Variants in NCOR2 observed in about 807,000 individuals in gnomAD.
NCOR2 encodes CTG repeat protein 26.
NCOR2 carries 81 observed loss-of-function variants against 262.9 expected under a neutral mutation model. The observed-to-expected ratio is 0.31, with a 90% CI of 0.26 to 0.37. NCOR2 has a LOEUF of 0.37. Among genes scored for constraint, NCOR2 ranks in the 10% least tolerant of loss-of-function variants. The probability of loss-of-function intolerance (pLI) is 1.00; values close to 1 mark genes in which losing one functional copy is unlikely to be tolerated. For missense variants in NCOR2, 3,385 were observed against 3,621.4 expected (o/e 0.93, Z 1.68); for synonymous variants, 1,659 against 1,559.3 (o/e 1.06, Z -1.51).
intron 34 of NCOR2, among the ~76,000 whole-genome samples, chr12:124,341,300 T>C (rs544719789): frequency 6.6e-6 from 1 of 151,916 alleles, no homozygotes; most frequent in South Asian, 2.1e-4. Flanking sequence ...AGTGCAATGG[T>C]AAAATCTCCA....
chr12:124,371,017 C>T (rs577912387), intron 20 of NCOR2, among the ~76,000 whole-genome samples: 157 of 152,276 alleles, frequency 1.0e-3, no homozygotes, highest in African/African-American at 3.1e-3. Context: ...GCATCTCCAT[C>T]ACCAGCCCCA....
At chr12:124,430,708 C>T (rs958151040) in exon 9 of NCOR2, 4 of 1,614,196 alleles carry the variant, frequency 2.5e-6, no homozygotes, top group South Asian at 1.1e-5. Flanking sequence ...GGCCCGCCGC[C>T]GGGGGTTGTT....
intron 27 of NCOR2, among the ~76,000 whole-genome samples, chr12:124,351,511 T>C (rs1302822020): frequency 2.0e-5 from 3 of 151,614 alleles, no homozygotes; most frequent in African/African-American, 4.9e-5. Flanking sequence ...CCCTAGAGAG[T>C]TGGAGGCACA....
Position 124,548,278 on chromosome 12 carries a change from G to A in NCOR2, c.-164-12667C>T, listed in dbSNP as rs980972860. ...GAAGGCCCAGAGGCAGATGCGGTCG[G>A]TGAGGGCTGAGGAGCTCCCGGGTGG... On this transcript the variant is annotated intron_variant, in intron 1 of 32. Coordinates refer to the NCOR2 transcript ENST00000458234. The surrounding 1 kb of genome is among the most constrained non-coding windows in gnomAD (Gnocchi z 5.1). Among the ~76,000 whole-genome samples, 1 of 152,232 alleles carries A rather than the reference G, an allele frequency of 6.6e-6. No individual in the cohort carries two copies. Among genetic ancestry groups the A allele is most frequent in the African/African-American group, 2.4e-5 (1 of 41,468 alleles).
At chr12:124,557,605 C>T (rs930061329) in intron 1 of NCOR2, among the ~76,000 whole-genome samples, 2 of 152,132 alleles carry the variant, frequency 1.3e-5, no homozygotes, top group South Asian at 2.1e-4. Context: ...CCAGGAGGGA[C>T]GTGAATGGGT....
intron 1 of NCOR2, among the ~76,000 whole-genome samples, chr12:124,529,329 C>T (rs552616204): frequency 6.6e-6 from 1 of 151,222 alleles, no homozygotes; most frequent in Admixed American, 6.6e-5. Context: ...CAAAAACTAG[C>T]CAGATGTGGT....
intron 1 of NCOR2, chr12:124,514,944 C>T (rs973493926): frequency 9.2e-5 from 14 of 152,390 alleles, no homozygotes; most frequent in African/African-American, 2.7e-4. Flanking sequence ...CCTATCCCAC[C>T]CCCATCTCTC....
chr12:124,332,502 G>A lies in NCOR2; in HGVS notation c.6756-35C>T, dbSNP rs533897016. The A allele has an allele frequency of 1.9e-6, 3 of 1,613,270 alleles. No individual in the cohort carries two copies. The East Asian group carries it at 6.7e-5, about 36-fold the overall frequency. On this transcript the variant is annotated intron_variant, in intron 42 of 46. Coordinates refer to ENST00000405201, the Ensembl canonical transcript of NCOR2. ...TCAAACACCTCACATCAGCTCACTT[G>A]GTGCCGAGCTTGCATGCCTTTGATG...
At chr12:124,521,500 A>G (rs1038375030) in intron 1 of NCOR2, among the ~76,000 whole-genome samples, 2 of 152,226 alleles carry the variant, frequency 1.3e-5, no homozygotes, top group African/African-American at 4.8e-5. Flanking sequence ...GCGGAGTGAA[A>G]GAAGCCAAAA....
intron 1 of NCOR2, among the ~76,000 whole-genome samples, chr12:124,532,850 C>A (rs1419909660): frequency 6.6e-6 from 1 of 151,904 alleles, no homozygotes; most frequent in Non-Finnish European, 1.5e-5. Flanking sequence ...TTGTGGGGGA[C>A]CGCCACCGTC....
intron 1 of NCOR2, among the ~76,000 whole-genome samples, chr12:124,544,088 C>T (rs1166076560): frequency 1.3e-5 from 2 of 152,322 alleles, no homozygotes; most frequent in East Asian, 1.9e-4. Context: ...CTGCCCGGCA[C>T]CCCCTGCCCG....
chr12:124,344,371 G>A (rs942533018), intron 32 of NCOR2, among the ~76,000 whole-genome samples: 2 of 152,238 alleles, frequency 1.3e-5, no homozygotes, highest in East Asian at 1.9e-4. Flanking sequence ...AGAGGGAGGG[G>A]CGTGGGGGAA....
At chr12:124,371,646 T>C (rs2039528578) in intron 20 of NCOR2, among the ~76,000 whole-genome samples, 1 of 152,186 alleles carries the variant, frequency 6.6e-6, no homozygotes, top group South Asian at 2.1e-4. Context: ...TCGGCCTGCA[T>C]GGTGCCCCCA....
chr12:124,379,698 T>G (rs2040274688), intron 17 of NCOR2, among the ~76,000 whole-genome samples: 1 of 152,180 alleles, frequency 6.6e-6, no homozygotes. Flanking sequence ...TCCCTCAAAG[T>G]TCACATCAAC....
intron 7 of NCOR2, among the ~76,000 whole-genome samples, chr12:124,439,281 G>GGA (rs2044654134): frequency 1.3e-5 from 1 of 74,682 alleles, no homozygotes; most frequent in Non-Finnish European, 2.6e-5. Flanking sequence ...TGAGACAGAG[G>GGA]GAGAGAGAGA....
intron 3 of NCOR2, among the ~76,000 whole-genome samples, chr12:124,479,403 A>ACGCACACACAGGTACATG (rs2047293945): frequency 6.6e-6 from 1 of 151,840 alleles, no homozygotes; most frequent in Admixed American, 6.5e-5. Context: ...GGACACACGC[A>ACGCACACACAGGTACATG]CGCACACACA....
chr12:124,564,736 C>A (rs1439310387), intron 1 of NCOR2, among the ~76,000 whole-genome samples: 1 of 152,130 alleles, frequency 6.6e-6, no homozygotes, highest in East Asian at 1.9e-4. Context: ...CTTCTCCACC[C>A]ACACTCTCAG....
At chr12:124,422,875 C>A (rs557444540) in intron 11 of NCOR2, among the ~76,000 whole-genome samples, 47 of 152,350 alleles carry the variant, frequency 3.1e-4, no homozygotes, top group Admixed American at 1.2e-3. Flanking sequence ...GGGTTCCCCC[C>A]CCTTTAAAAT....
chr12:124,445,174 G>A (rs1051883566), intron 7 of NCOR2, among the ~76,000 whole-genome samples: 1 of 152,234 alleles, frequency 6.6e-6, no homozygotes, highest in Admixed American at 6.5e-5. Context: ...GGCAGAGGCA[G>A]AATGTGCCTG....
Sources: allele counts gnomAD v4.1 joint callset (sites outside exome capture counted in the v4.1 genomes callset), GRCh38; gene constraint gnomAD v4.1.1; non-coding constraint Gnocchi (gnomAD v3.1); transcripts MANE v1.5; gene names NCBI Gene and HGNC (gene_info 2026-07-23, HGNC 2026-07-21).